The following SETD5 variants were observed in gnomAD, a reference collection of about 807,000 sequenced individuals.
The protein encoded by SETD5 is SET domain containing 5.
A neutral mutation model predicts 153.3 loss-of-function variants in SETD5; 44 were observed. The ratio of observed to expected loss-of-function variants is 0.29; its 90% CI spans 0.23 to 0.37. SETD5 has a LOEUF of 0.37. Ranked by LOEUF, SETD5 falls within the 10% of genes least tolerant of loss-of-function variation. The pLI is 1.00. For missense variants in SETD5, 1,544 were observed against 1,768.0 expected (o/e 0.87, Z 2.27); for synonymous variants, 716 against 645.2 (o/e 1.11, Z -1.66).
At chr3:9,408,279 T>G (rs2036041660) in intron 1 of SETD5, among the ~76,000 whole-genome samples, 1 of 152,188 alleles carries the variant, frequency 6.6e-6, no homozygotes, top group South Asian at 2.1e-4. Flanking sequence ...AACCCCCATT[T>G]CCAAATGAGC....
intron 8 of SETD5, 76 bp downstream of exon 8, chr3:9,440,774 TTAC>T (rs1172009156): frequency 7.4e-6 from 11 of 1,487,836 alleles, no homozygotes; most frequent in Admixed American, 2.2e-5. Flanking sequence ...TGGATTGGAA[TTAC>T]TGTTCCTTCC....
At chr3:9,431,785 A>G (rs1575361776) in intron 3 of SETD5, 2 of 934,100 alleles carry the variant, frequency 2.1e-6, no homozygotes, top group East Asian at 1.2e-4. Context: ...CTCCATCTCC[A>G]TGGCCATCTT....
At chr3:9,413,632 C>T (rs2125552730) in intron 1 of SETD5, among the ~76,000 whole-genome samples, 2 of 120,254 alleles carry the variant, frequency 1.7e-5, no homozygotes, top group South Asian at 5.2e-4. Context: ...CTAGCTTCTT[C>T]GGGTGGGGGG....
At chr3:9,400,269 T>C (rs2034541241) in intron 1 of SETD5, among the ~76,000 whole-genome samples, 2 of 152,242 alleles carry the variant, frequency 1.3e-5, no homozygotes, top group African/African-American at 2.4e-5. Context: ...TTGTTTTTTA[T>C]CTAGACATTT....
chr3:9,432,330 T>G, intron 3 of SETD5: 1 of 982,668 alleles, frequency 1.0e-6, no homozygotes, highest in Non-Finnish European at 1.2e-6. Flanking sequence ...ACTGGGTGAG[T>G]TGGATACATA....
chr3:9,437,008 G>T, intron 7 of SETD5: 2 of 833,742 alleles, frequency 2.4e-6, no homozygotes, highest in Non-Finnish European at 3.6e-6. Flanking sequence ...TTAGTTTGTA[G>T]TTGTTGCCAT....
intron 2 of SETD5, among the ~76,000 whole-genome samples, chr3:9,427,768 CT>C (rs2039481828): frequency 6.6e-6 from 1 of 152,100 alleles, no homozygotes; most frequent in Non-Finnish European, 1.5e-5. Context: ...AAATAAAATG[CT>C]TTTTGTTTCA....
chr3:9,435,706 C>T (rs904515323), intron 6 of SETD5, 22 bp from the exon 7 acceptor site: 23 of 1,550,128 alleles, frequency 1.5e-5, no homozygotes, highest in Non-Finnish European at 2.0e-5. Flanking sequence ...AGTACCTGAA[C>T]TATGAAATCA....
chr3:9,430,291 AC>A (rs1335362695), intron 3 of SETD5: 73 of 984,082 alleles, frequency 7.4e-5, no homozygotes, highest in Non-Finnish European at 8.7e-5. Context: ...ACTTAAAGCT[AC>A]CCTGAGAAAT....
chr3:9,445,307 G>T lies in SETD5; in HGVS notation c.1440+7G>T. ...TGTATCCAGTGATCATGAGGTAATC[G>T]CCCCTGGTCAAATGATGATGCTATG... On this transcript the variant is annotated splice_region_variant and intron_variant, in intron 12 of 22. Transcript: ENST00000402198. 1 of 1,597,980 alleles carries T rather than the reference G, an allele frequency of 6.3e-7. No individual in the cohort carries two copies. Among genetic ancestry groups the T allele is most frequent in the Non-Finnish European group, 8.5e-7 (1 of 1,171,700 alleles).
intron 22 of SETD5, 27 bp downstream of exon 22, chr3:9,475,183 G>A: frequency 6.4e-7 from 1 of 1,554,852 alleles, no homozygotes; most frequent in East Asian, 2.4e-5. Flanking sequence ...CTGGTCTCTA[G>A]CCATAGGAGT....
intron 2 of SETD5, 33 bp downstream of exon 2, chr3:9,424,559 G>A (rs1456528774): frequency 6.6e-6 from 1 of 152,044 alleles, no homozygotes; most frequent in Non-Finnish European, 1.5e-5. Flanking sequence ...TTTAATTTCT[G>A]TTTTATTTTT....
chr3:9,436,884 T>C (rs1360417737), intron 7 of SETD5: 2 of 1,550,278 alleles, frequency 1.3e-6, no homozygotes, highest in African/African-American at 2.7e-5. Context: ...TCCTTGCGGA[T>C]GAAGGTAAGG....
In SETD5 at chr3:9,441,649, A is replaced by C; in HGVS notation, c.867A>C (p.Ala289=). 1 of 1,614,024 alleles carries C rather than the reference A, an allele frequency of 6.2e-7. No homozygotes were observed. The highest frequency in any genetic ancestry group is 8.5e-7 in the Non-Finnish European group (1 of 1,179,874). Residue 289 remains alanine (A), a synonymous_variant, in exon 9 of 23, where the codon GCA becomes GCC. Transcript: ENST00000402198. ...AGCACCGGAAGATCCTGAGGGCTGC[A>C]AGAGATTTGGCTTTGGACACTCTTA... is the stretch of plus-strand genomic sequence containing the variant. The part of the protein sequence containing the change: ...VQKHRKILRA[A]RDLALDTLII...
chr3:9,429,423 A>G, intron 3 of SETD5: 1 of 165,966 alleles, frequency 6.0e-6, no homozygotes, highest in Admixed American at 6.0e-5. Context: ...TCTAGAGTAA[A>G]GGGGCCGAAA....
In SETD5 at chr3:9,448,533, C is replaced by T; in HGVS notation, c.2249C>T (p.Thr750Ile). ...CTTATCCATTCCCCGTTAATTTGCA[C>T]CACCCCCAAACACTACATTCGCTTT... ...PGLIHSPLIC[T>I]TPKHYIRFGS... Residue 750 changes from threonine to isoleucine, a missense_variant, in exon 16 of 23, where the codon ACC becomes ATC. Thr to Ile is a moderately conservative substitution (Grantham distance 89). Transcript: ENST00000402198. The T allele has an allele frequency of 3.1e-6, 5 of 1,613,930 alleles. No individual in the cohort carries two copies. Among genetic ancestry groups the T allele is most frequent in the African/African-American group, 1.3e-5 (1 of 75,028 alleles).
chr3:9,441,523 A>G (rs750277969), intron 8 of SETD5, 70 bp from the exon 9 acceptor site: 8 of 1,382,778 alleles, frequency 5.8e-6, no homozygotes, highest in Non-Finnish European at 8.1e-6. Flanking sequence ...TTCCTTAATT[A>G]TGAAGTAATT....
intron 17 of SETD5, among the ~76,000 whole-genome samples, chr3:9,455,769 C>T (rs2043161480): frequency 6.6e-6 from 1 of 152,104 alleles, no homozygotes; most frequent in East Asian, 1.9e-4. Flanking sequence ...CAGGAGATTG[C>T]ATAGCAGTTC....
intron 1 of SETD5, among the ~76,000 whole-genome samples, chr3:9,412,079 G>A (rs2036649792): frequency 6.6e-6 from 1 of 151,998 alleles, no homozygotes; most frequent in Non-Finnish European, 1.5e-5. Context: ...CAGAGTCACA[G>A]GTGGTTTTTT....
Sources: allele counts gnomAD v4.1 joint callset (sites outside exome capture counted in the v4.1 genomes callset), GRCh38; gene constraint gnomAD v4.1.1; transcripts MANE v1.5; gene names NCBI Gene and HGNC (gene_info 2026-07-23, HGNC 2026-07-21).